DISC1: variants seen among roughly 807,000 people sequenced by gnomAD.
DISC1 encodes DISC1 scaffold protein.
A neutral mutation model predicts 84.5 loss-of-function variants in DISC1; 57 were observed. The observed-to-expected ratio is 0.67, with a 90% CI of 0.55 to 0.84. The LOEUF is 0.84. DISC1 is among the 40% of genes least tolerant of loss of function. The pLI, the probability that DISC1 is intolerant of heterozygous loss-of-function variation, is 0.00. For missense variants in DISC1, 1,000 were observed against 1,057.8 expected (o/e 0.95, Z 0.76); for synonymous variants, 411 against 415.2 (o/e 0.99, Z 0.12).
chr1:231,840,438 T>C (rs1240678948), intron 9 of DISC1, among the ~76,000 whole-genome samples: 1 of 152,198 alleles, frequency 6.6e-6, no homozygotes, highest in African/African-American at 2.4e-5. Context: ...TAACAAACTA[T>C]GGTACCTTCA....
At chr1:231,708,995 C>G (rs1374458285) in intron 3 of DISC1, among the ~76,000 whole-genome samples, 2 of 152,214 alleles carry the variant, frequency 1.3e-5, no homozygotes, top group Non-Finnish European at 2.9e-5. Flanking sequence ...TCTGCTTCCT[C>G]TTACTTTAAG....
intron 9 of DISC1, among the ~76,000 whole-genome samples, chr1:231,934,158 C>A (rs901660748): frequency 2.0e-5 from 3 of 152,174 alleles, no homozygotes; most frequent in Non-Finnish European, 4.4e-5. Flanking sequence ...AGGGGGGTGA[C>A]CGTGCAGCAA....
intron 8 of DISC1, 94 bp from the exon 9 acceptor site, chr1:231,818,235 T>C (rs754134841): frequency 1.8e-5 from 23 of 1,260,532 alleles, no homozygotes; most frequent in Non-Finnish European, 2.7e-5. Flanking sequence ...TCTTTGCCCA[T>C]GCTGTGAATG....
chr1:231,818,813 T>G (rs1235647152), intron 9 of DISC1: 1 of 1,194,922 alleles, frequency 8.4e-7, no homozygotes, highest in African/African-American at 1.6e-5. Context: ...TGGCAAGGTC[T>G]TGAGCATTTT....
At position 231,889,699 on chromosome 1, in the gene DISC1, CTCT is replaced by C. The variant is rs150163713; in HGVS notation, c.1982-69124_1982-69122del. ...TGAGTTTCTGACACTCAATCTAGAG[CTCT>C]TCTTACCACACATGCTTCAGTCTAC... On this transcript the variant is annotated intron_variant, in intron 9 of 12. Coordinates refer to ENST00000439617, the MANE Select transcript of DISC1 (RefSeq NM_018662.3). 7.2e-3 allele frequency among the ~76,000 whole-genome samples: 1,097 copies of C among 152,176 alleles called. 20 individuals are homozygous for C. The highest frequency in any genetic ancestry group is 0.024 in the African/African-American group (977 of 41,504).
At chr1:231,669,199 TAGG>T (rs1297523139) in intron 1 of DISC1, among the ~76,000 whole-genome samples, 1 of 152,140 alleles carries the variant, frequency 6.6e-6, no homozygotes, top group Non-Finnish European at 1.5e-5. Context: ...TGGGAATTGT[TAGG>T]AGAACACTTA....
chr1:231,964,156 G>A (rs776963122), intron 10 of DISC1, among the ~76,000 whole-genome samples: 15 of 152,214 alleles, frequency 9.9e-5, no homozygotes, highest in Non-Finnish European at 1.9e-4. Context: ...AGTCTGCCTT[G>A]TTCAGGACTG....
intron 1 of DISC1, among the ~76,000 whole-genome samples, chr1:231,692,196 G>T (rs2065121791): frequency 6.6e-6 from 1 of 152,102 alleles, no homozygotes; most frequent in South Asian, 2.1e-4. Context: ...GATCTCCTAG[G>T]GTTATAGTGT....
At chr1:231,978,442 T>G (rs1303186171) in intron 10 of DISC1, among the ~76,000 whole-genome samples, 1 of 152,206 alleles carries the variant, frequency 6.6e-6, no homozygotes, top group Non-Finnish European at 1.5e-5. Context: ...TTTCCTCTAT[T>G]TGATTATCTT....
At chr1:231,988,829 T>C (rs1273164472) in intron 10 of DISC1, among the ~76,000 whole-genome samples, 1 of 152,208 alleles carries the variant, frequency 6.6e-6, no homozygotes, top group Non-Finnish European at 1.5e-5. Flanking sequence ...ATTTCAATGG[T>C]GCAAGTTCCG....
At chr1:231,720,743 G>A in intron 3 of DISC1, 4 of 880,464 alleles carry the variant, frequency 4.5e-6, no homozygotes, top group Non-Finnish European at 6.5e-6. Context: ...TTCTGCATGA[G>A]GGCTAAAATG....
At chr1:231,838,666 G>A (rs2082802649) in intron 9 of DISC1, among the ~76,000 whole-genome samples, 1 of 152,160 alleles carries the variant, frequency 6.6e-6, no homozygotes. Context: ...TATTGATAGG[G>A]ATGGATATCT....
At chr1:231,795,406 CTT>C in intron 7 of DISC1, 110 bp downstream of exon 7, 1 of 948,118 alleles carries the variant, frequency 1.1e-6, no homozygotes, top group Non-Finnish European at 1.6e-6. Flanking sequence ...AAGATGTAGA[CTT>C]TGTCAAGCCA....
chr1:231,635,598 A>G (rs1488756641), intron 1 of DISC1, among the ~76,000 whole-genome samples: 1 of 152,198 alleles, frequency 6.6e-6, no homozygotes, highest in Admixed American at 6.5e-5. Context: ...TAGTACACTT[A>G]TGGTTTACTC....
In DISC1 at chr1:231,897,756, C is replaced by T. The variant is rs1007467264; in HGVS notation, c.1982-61072C>T. On this transcript the variant is annotated intron_variant, in intron 9 of 12. Transcript: ENST00000439617. This position sits in a 1 kb window ranked among gnomAD's most constrained non-coding sequence, Gnocchi z 4.5. ...ACTTGATCACTGGCATGTTCAAGAA[C>T]AGATAGAGCTTTGTCTGTCATTTGC... 3.3e-5 allele frequency among the ~76,000 whole-genome samples: 5 copies of T among 152,184 alleles called. No homozygotes were observed. The highest frequency in any genetic ancestry group is 1.9e-4 in the East Asian group (1 of 5,198).
At chr1:231,988,850 T>TGACAC (rs1288746757) in intron 10 of DISC1, among the ~76,000 whole-genome samples, 2 of 152,214 alleles carry the variant, frequency 1.3e-5, no homozygotes, top group Non-Finnish European at 2.9e-5. Context: ...TGGACTTCAA[T>TGACAC]GACACTTCCA....
chr1:231,689,511 T>C (rs889516152), intron 1 of DISC1, among the ~76,000 whole-genome samples: 1 of 152,008 alleles, frequency 6.6e-6, no homozygotes, highest in African/African-American at 2.4e-5. Flanking sequence ...TTTGTATTTT[T>C]AGTAGAGATG....
rs189894948 is a variant in DISC1 at position 231,853,015 on chromosome 1, G to A, written c.1981+34498G>A. Among the ~76,000 whole-genome samples the A allele has an allele frequency of 1.5e-3, 221 of 152,286 alleles. 2 individuals carry two copies. Among genetic ancestry groups the A allele is most frequent in the African/African-American group, 5.1e-3 (212 of 41,566 alleles). ...TATAGCAGCTCTAAAATATTAGACT[G>A]CAGTTAGGAAATGCCCTCTGGATCT... On this transcript the variant is annotated intron_variant, in intron 9 of 12. Coordinates refer to ENST00000439617, the MANE Select transcript of DISC1 (RefSeq NM_018662.3).
At chr1:231,696,015 A>G (rs1429997103) in intron 2 of DISC1, among the ~76,000 whole-genome samples, 1 of 152,174 alleles carries the variant, frequency 6.6e-6, no homozygotes, top group African/African-American at 2.4e-5. Context: ...TGCCTAAACC[A>G]GTGCCCCTTG....
Sources: allele counts gnomAD v4.1 joint callset (sites outside exome capture counted in the v4.1 genomes callset), GRCh38; gene constraint gnomAD v4.1.1; non-coding constraint Gnocchi (gnomAD v3.1); transcripts MANE v1.5; gene names NCBI Gene and HGNC (gene_info 2026-07-23, HGNC 2026-07-21).